Variants in MDH1B observed in about 807,000 individuals in gnomAD.
MDH1B encodes malate dehydrogenase 1B, also known as putative malate dehydrogenase 1B.
MDH1B carries 60 observed loss-of-function variants against 61.4 expected under a neutral mutation model. The ratio of observed to expected loss-of-function variants is 0.98; its 90% CI spans 0.79 to 1.21. The LOEUF is 1.21. Among genes scored for constraint, MDH1B ranks in the 50% most tolerant of loss-of-function variants. MDH1B has a pLI of 0.00. For missense variants in MDH1B, 587 were observed against 632.1 expected, an observed-to-expected ratio of 0.93 and a Z score of 0.76; for synonymous variants, 236 against 218.7, an observed-to-expected ratio of 1.08 and a Z score of -0.70.
intron 2 of MDH1B, among the ~76,000 whole-genome samples, chr2:206,757,988 TG>T (rs1394041278): frequency 5.9e-5 from 9 of 152,188 alleles, no homozygotes; most frequent in African/African-American, 2.2e-4. Flanking sequence ...ACCACGTCAT[TG>T]GAGGCATGGG....
intron 7 of MDH1B, among the ~76,000 whole-genome samples, chr2:206,748,516 G>T (rs565434545): frequency 6.6e-6 from 1 of 152,138 alleles, no homozygotes; most frequent in Non-Finnish European, 1.5e-5. Flanking sequence ...GGTACCCTGA[G>T]ATCTGGGTCC....
At chr2:206,746,067 A>G (rs1351665477) in intron 8 of MDH1B, among the ~76,000 whole-genome samples, 3 of 152,296 alleles carry the variant, frequency 2.0e-5, no homozygotes, top group East Asian at 3.9e-4. Context: ...TTGATTCTTC[A>G]TTTTTAAATA....
intron 6 of MDH1B, among the ~76,000 whole-genome samples, chr2:206,750,504 C>T (rs942365276): frequency 6.6e-6 from 1 of 151,654 alleles, no homozygotes; most frequent in African/African-American, 2.4e-5. Flanking sequence ...TGGCTTGGTC[C>T]TAGGACTGTG....
intron 9 of MDH1B, 82 bp from the exon 10 acceptor site, chr2:206,741,186 T>A: frequency 6.3e-7 from 1 of 1,577,464 alleles, no homozygotes; most frequent in East Asian, 2.3e-5. Flanking sequence ...TCTGAGTCAA[T>A]GTTTTTCAAA....
chr2:206,748,107 G>C (rs372882243), intron 7 of MDH1B, among the ~76,000 whole-genome samples: 1 of 152,204 alleles, frequency 6.6e-6, no homozygotes, highest in South Asian at 2.1e-4. Flanking sequence ...TCAGCCGGGC[G>C]TGGTGGCTCA....
rs762783067 is a variant in MDH1B, at chr2:206,751,008, C to T, written c.978G>A (p.Arg326=). 1 of 1,610,418 alleles carries T rather than the reference C, an allele frequency of 6.2e-7. No individual in the cohort carries two copies. ...AAATGGCACTCTCATATCTGTACACCCTTGTTTTTCTCAGATCAACGTAAT... is the reference window on the plus strand; with the variant it reads ...AAATGGCACTCTCATATCTGTACACTCTTGTTTTTCTCAGATCAACGTAAT... ...GNNYVDLRKT[R]VYRYESAIWG... The change falls in exon 6 of 12, where the codon AGG becomes AGA. Residue 326 remains arginine, a synonymous_variant. Transcript: ENST00000374412.
chr2:206,741,748 C>T (rs1687825732), intron 9 of MDH1B, among the ~76,000 whole-genome samples: 1 of 152,092 alleles, frequency 6.6e-6, no homozygotes, highest in South Asian at 2.1e-4. Flanking sequence ...GGAACCTTGA[C>T]TATACAGATT....
intron 2 of MDH1B, among the ~76,000 whole-genome samples, chr2:206,758,218 G>T (rs1205309443): frequency 6.6e-6 from 1 of 152,194 alleles, no homozygotes; most frequent in Non-Finnish European, 1.5e-5. Flanking sequence ...GCATGTTAAT[G>T]TCCCAGCAGG....
intron 7 of MDH1B, 107 bp from the exon 8 acceptor site, chr2:206,746,533 G>C (rs2302921): frequency 8.6e-7 from 1 of 1,166,454 alleles, no homozygotes; most frequent in Non-Finnish European, 1.2e-6. Context: ...GATTTTTAAT[G>C]ATAATGATGG....
At chr2:206,753,564 T>C (rs1688577401) in intron 5 of MDH1B, among the ~76,000 whole-genome samples, 1 of 152,172 alleles carries the variant, frequency 6.6e-6, no homozygotes, top group South Asian at 2.1e-4. Context: ...TGAATCTTGC[T>C]TTTCTGAAAA....
At chr2:206,745,297 C>G in intron 9 of MDH1B, 1 of 481,366 alleles carries the variant, frequency 2.1e-6, no homozygotes, top group Non-Finnish European at 4.1e-6. Flanking sequence ...GTCTTCTAGT[C>G]TCCTGAGCTG....
intron 9 of MDH1B, among the ~76,000 whole-genome samples, chr2:206,741,801 G>A (rs1687828295): frequency 1.3e-5 from 2 of 152,132 alleles, no homozygotes; most frequent in African/African-American, 4.8e-5. Context: ...TATTAAGGAT[G>A]GAGTTCTTTT....
intron 11 of MDH1B, 119 bp downstream of exon 11, chr2:206,739,474 G>T: frequency 2.3e-6 from 2 of 884,914 alleles, no homozygotes; most frequent in Non-Finnish European, 3.5e-6. Flanking sequence ...GGTCCCTGGG[G>T]AATGTGGGAA....
intron 5 of MDH1B, 73 bp downstream of exon 5, chr2:206,754,936 G>A (rs557641346): frequency 1.3e-6 from 2 of 1,492,092 alleles, no homozygotes; most frequent in Admixed American, 1.8e-5. Context: ...AGAGGGGACA[G>A]TGTTCTTCCT....
chr2:206,757,083 A>T (rs1267573441), intron 3 of MDH1B, 43 bp from the exon 4 acceptor site: 1 of 1,588,572 alleles, frequency 6.3e-7, no homozygotes, highest in Non-Finnish European at 8.6e-7. Flanking sequence ...AGAATAGATA[A>T]CTAGTTGAAA....
chr2:206,759,944 A>G (rs1688992436), intron 2 of MDH1B, among the ~76,000 whole-genome samples: 1 of 152,226 alleles, frequency 6.6e-6, no homozygotes, highest in Admixed American at 6.5e-5. Flanking sequence ...AGAAAAGGTG[A>G]TGACTGTCAG....
intron 1 of MDH1B, among the ~76,000 whole-genome samples, chr2:206,764,931 C>G (rs1440284378): frequency 1.3e-5 from 2 of 152,190 alleles, no homozygotes; most frequent in Non-Finnish European, 2.9e-5. Context: ...CCCTCATCCC[C>G]CAAACCCAGA....
At chr2:206,763,301 C>A (rs1689212246) in intron 1 of MDH1B, among the ~76,000 whole-genome samples, 2 of 149,810 alleles carry the variant, frequency 1.3e-5, no homozygotes, top group African/African-American at 4.9e-5. Flanking sequence ...TGCTTGGGAA[C>A]AATGTTTAAC....
Position 206,745,719 on chromosome 2 carries a change from A to G in MDH1B, c.1357-46T>C, listed in dbSNP as rs778461203. On this transcript the variant is annotated intron_variant, in intron 8 of 11. Coordinates refer to ENST00000374412, the MANE Select transcript of MDH1B (RefSeq NM_001039845.3). ...CAGAATTAAATGACCACAATTCCTA[A>G]CTTAATTCTTCTTTTTTTTTTTTTT... 4 of 1,281,982 alleles carry G rather than the reference A, an allele frequency of 3.1e-6. No individual in the cohort carries two copies. In the African/African-American group the frequency reaches 6.2e-5, roughly 20 times the overall value. The allele number at this position is 1,281,982 out of a possible 1,614,324, so 79.4% of individuals were successfully genotyped here.
Sources: allele counts gnomAD v4.1 joint callset (sites outside exome capture counted in the v4.1 genomes callset), GRCh38; gene constraint gnomAD v4.1.1; transcripts MANE v1.5; gene names NCBI Gene and HGNC (gene_info 2026-07-23, HGNC 2026-07-21).